The following HYI variants were observed in gnomAD, a reference collection of about 807,000 sequenced individuals.
HYI encodes the protein hydroxypyruvate isomerase (putative).
Under a neutral mutation model 39.7 loss-of-function variants are expected in HYI, and 47 were observed. The ratio of observed to expected loss-of-function variants is 1.18; its 90% CI spans 0.94 to 1.51. The LOEUF (loss-of-function observed/expected upper bound fraction) is 1.51, where lower values mean the gene tolerates loss of function less well. Among genes scored for constraint, HYI ranks in the 40% most tolerant of loss-of-function variants. The probability of loss-of-function intolerance (pLI) is 0.00; values close to 1 mark genes in which losing one functional copy is unlikely to be tolerated. For synonymous variants in HYI, 186 were observed against 158.8 expected (o/e 1.17, Z -1.29); for missense variants, 465 against 370.3 (o/e 1.26, Z -2.10).
downstream of HYI, chr1:43,450,802 C>T: frequency 2.8e-6 from 2 of 707,136 alleles, no homozygotes; most frequent in Non-Finnish European, 2.6e-6. The surrounding 1 kb of genome is among the most constrained non-coding windows in gnomAD (Gnocchi z 4.3). Flanking sequence ...GTGGCAAACA[C>T]CCCCTAGAGC....
chr1:43,452,828 CATCATCCCCTG>C, intron 2 of HYI: 1 of 1,471,900 alleles, frequency 6.8e-7, no homozygotes, highest in Non-Finnish European at 9.3e-7. Context: ...CACCTCCTCC[CATCATCCCCTG>C]ATCTTAGCCA....
chr1:43,453,648 G>A lies in HYI; in HGVS notation c.146C>T (p.Ala49Val). 3 of 1,490,680 alleles carry A rather than the reference G, an allele frequency of 2.0e-6. No homozygotes were observed. The highest frequency in any genetic ancestry group is 2.7e-6 in the Non-Finnish European group (3 of 1,127,524). 92.3% of individuals were successfully genotyped at this position (1,490,680 alleles called of 1,614,324 possible). The stretch of plus-strand genomic sequence containing the variant: ...CAGCCCCGCTTCTCGCGCGGCGCGC[G>A]CCAGCGCCTCAGGCGTCTCCGCGTA... ...WPYAETPEAL[A>V]RAAREAGLRL... The change falls in exon 1 of 8, where the codon GCG becomes GTG. Residue 49 changes from alanine (A) to valine (V), a missense_variant. Physicochemically the swap from Ala to Val is moderately conservative, Grantham distance 64. Transcript: ENST00000372430.
At chr1:43,452,922 C>G in intron 2 of HYI, 1 of 1,606,664 alleles carries the variant, frequency 6.2e-7, no homozygotes, top group Non-Finnish European at 8.5e-7. Context: ...CTCAGGAACG[C>G]TGCCAAATAC....
Position 43,453,705 on chromosome 1 carries a change from G to C in HYI, c.89C>G (p.Ser30Trp). Reference protein sequence around the residue: ...LPARVRAAGSSGFEAVEVAWP... With the variant: ...LPARVRAAGSWGFEAVEVAWP... ...GGCCACCTCGACGGCCTCGAAGCCC[G>C]AGCTGCCCGCGGCCCGCACCCGCGC... The change falls in exon 1 of 8, where the codon TCG becomes TGG. Residue 30 changes from serine (S) to tryptophan (W), a missense_variant. By Grantham distance (177) the Ser-to-Trp change is radical (BLOSUM62 -3). Transcript: ENST00000372430. 7.0e-7 allele frequency: 1 copy of C among 1,421,440 alleles called. No homozygotes were observed. Among genetic ancestry groups the C allele is most frequent in the Non-Finnish European group, 9.1e-7 (1 of 1,097,562 alleles). 88.1% of individuals were successfully genotyped at this position (1,421,440 alleles called of 1,614,324 possible).
chr1:43,451,686 T>C lies in HYI; in HGVS notation c.587A>G (p.Asn196Ser). ...GAACTCCCGGATGTTTCCTGTCAGG[T>C]TCCCATCCATGATCTGCCAGTGGAA... is the stretch of plus-strand genomic sequence containing the variant. The part of the protein sequence containing the change: ...DIFHWQIMDG[N>S]LTGNIREFLP... Residue 196 changes from asparagine (N) to serine (S), a missense_variant, in exon 6 of 8, where the codon AAC (asparagine) becomes AGC (serine). Transcript: ENST00000372430. 1 of 1,614,104 alleles carries C rather than the reference T, an allele frequency of 6.2e-7. No individual in the cohort carries two copies. Among genetic ancestry groups the C allele is most frequent in the Non-Finnish European group, 8.5e-7 (1 of 1,179,994 alleles).
Position 43,453,465 on chromosome 1 carries a change from C to T in HYI, c.232G>A (p.Ala78Thr). Residue 78 changes from alanine to threonine, a missense_variant, in exon 2 of 8, where the codon GCC becomes ACC. Coordinates refer to ENST00000372430, the MANE Select transcript of HYI (RefSeq NM_001190880.3). ...DQEKGEMGLG[A>T]VPGRQAAFRE... ...AAGGCCGCCTGTCTCCCGGGGACGG[C>T]CCCCAGCCCCATTTCCCCCTTCTCT... 1 of 1,561,560 alleles carries T rather than the reference C, an allele frequency of 6.4e-7. No individual in the cohort carries two copies. The highest frequency in any genetic ancestry group is 1.2e-5 in the South Asian group (1 of 84,714).
In HYI at chr1:43,453,903, G is replaced by T; in HGVS notation, c.-110C>A. 1.6e-6 allele frequency: 2 copies of T among 1,216,654 alleles called. No individual in the cohort carries two copies. Among genetic ancestry groups the T allele is most frequent in the Non-Finnish European group, 1.0e-6 (1 of 979,028 alleles). 75.4% of individuals were successfully genotyped at this position (1,216,654 alleles called of 1,614,324 possible). On this transcript the variant is annotated 5_prime_UTR_variant, in exon 1 of 8. Coordinates refer to ENST00000372430, the MANE Select transcript of HYI (RefSeq NM_001190880.3). ...CTCCTTGCTGGCCCTGCGAACGAAC[G>T]AGCACTGTTCGTGGTTAGAAAAGCG...
chr1:43,452,474 C>T, intron 2 of HYI, 155 bp from the exon 3 acceptor site: 1 of 717,324 alleles, frequency 1.4e-6, no homozygotes, highest in Non-Finnish European at 2.6e-6. Context: ...CTTTCAGAGA[C>T]ACTTCAGTGA....
chr1:43,452,922 C>T, intron 2 of HYI: 1 of 1,606,664 alleles, frequency 6.2e-7, no homozygotes, highest in Non-Finnish European at 8.5e-7. Flanking sequence ...CTCAGGAACG[C>T]TGCCAAATAC....
chr1:43,453,608 G>A lies in HYI; in HGVS notation c.186C>T (p.Ile62=). Residue 62 remains isoleucine (I), a synonymous_variant, in exon 1 of 8, where the codon ATC becomes ATT. Coordinates refer to ENST00000372430, the MANE Select transcript of HYI (RefSeq NM_001190880.3). ...CCCGCGACGCACCCGGGGGCGTGTT[G>A]ATCAGTACAAGCCGCAGCCCCGCTT... ...AREAGLRLVL[I]NTPPGDQEKG... is the part of the protein sequence containing the mutation. The A allele has an allele frequency of 6.5e-7, 1 of 1,530,152 alleles. No homozygotes were observed. The highest frequency in any genetic ancestry group is 8.8e-7 in the Non-Finnish European group (1 of 1,139,786). The allele number at this position is 1,530,152 out of a possible 1,614,324, so 94.8% of individuals were successfully genotyped here. A position where few individuals can be genotyped will look rare whatever the true frequency, so the allele number is the denominator to read the frequency against.
At chr1:43,453,564 G>T (rs1292173976) in intron 1 of HYI, 31 bp downstream of exon 1, 2 of 1,512,458 alleles carry the variant, frequency 1.3e-6, no homozygotes, top group Non-Finnish European at 1.8e-6. Context: ...GCACCCCCCA[G>T]CCCTCCCAGC....
At chr1:43,450,718 C>A, downstream of HYI, 1 of 703,838 alleles carries the variant, frequency 1.4e-6, no homozygotes. The surrounding 1 kb of genome is among the most constrained non-coding windows in gnomAD (Gnocchi z 4.3). Context: ...GTCAGGTCAA[C>A]CCCGAGGACC....
rs778819086 is a variant in HYI at position 43,453,728 on chromosome 1, C to A, written c.66G>T (p.Ala22=). The change falls in exon 1 of 8, where the codon GCG becomes GCT. Residue 22 remains alanine, a synonymous_variant. Transcript: ENST00000372430. Reference sequence around the variant, plus strand: ...CCGAGCTGCCCGCGGCCCGCACCCGCGCGGGGAGGCCGGAGAGCTCGGGGA... The same window carrying A: ...CCGAGCTGCCCGCGGCCCGCACCCGAGCGGGGAGGCCGGAGAGCTCGGGGA... ...WLFPELSGLP[A]RVRAAGSSGF... is the part of the protein sequence containing the mutation. The A allele has an allele frequency of 1.4e-6, 2 of 1,388,996 alleles. No homozygotes were observed. Among genetic ancestry groups the A allele is most frequent in the Non-Finnish European group, 1.8e-6 (2 of 1,083,212 alleles). 86.0% of individuals were successfully genotyped at this position (1,388,996 alleles called of 1,614,324 possible).
chr1:43,450,609 C>T, downstream of HYI: 1 of 1,369,932 alleles, frequency 7.3e-7, no homozygotes, highest in East Asian at 2.3e-5. The surrounding 1 kb of genome is among the most constrained non-coding windows in gnomAD (Gnocchi z 4.3). Flanking sequence ...ACACCAAAGG[C>T]TTTGTAACTA....
At chr1:43,452,388 A>C in intron 2 of HYI, 69 bp from the exon 3 acceptor site, 4 of 1,283,784 alleles carry the variant, frequency 3.1e-6, no homozygotes, top group Non-Finnish European at 4.5e-6. Flanking sequence ...GGATTCCCTG[A>C]CTGTGCCAGC....
chr1:43,453,848 G>A lies in HYI; in HGVS notation c.-55C>T, dbSNP rs1247602387. 10 of 1,230,328 alleles carry A rather than the reference G, an allele frequency of 8.1e-6. No individual in the cohort carries two copies. Among genetic ancestry groups the A allele is most frequent in the African/African-American group, 1.6e-5 (1 of 63,444 alleles). The allele number at this position is 1,230,328 out of a possible 1,614,324, so 76.2% of individuals were successfully genotyped here. On this transcript the variant is annotated 5_prime_UTR_variant, in exon 1 of 8. Transcript: ENST00000372430. ...GCGGGATCCAAAGGCGGCGGGCGGC[G>A]GGCGGCGGGCGGCGGGCGGGGGCGG...
At chr1:43,450,817 C>A (rs776496985), downstream of HYI, 1 of 708,136 alleles carries the variant, frequency 1.4e-6, no homozygotes, top group South Asian at 1.4e-5. This position sits in a 1 kb window ranked among gnomAD's most constrained non-coding sequence, Gnocchi z 4.3. Context: ...TAGAGCTCCT[C>A]TGCCTGAATC....
Position 43,453,720 on chromosome 1 carries a change from C to G in HYI, c.74G>C (p.Arg25Pro). 2 of 1,391,964 alleles carry G rather than the reference C, an allele frequency of 1.4e-6. No homozygotes were observed. The highest frequency in any genetic ancestry group is 1.8e-6 in the Non-Finnish European group (2 of 1,084,358). 86.2% of individuals were successfully genotyped at this position (1,391,964 alleles called of 1,614,324 possible). A position where few individuals can be genotyped will look rare whatever the true frequency, so the allele number is the denominator to read the frequency against. Residue 25 changes from arginine to proline, a missense_variant, in exon 1 of 8, where the codon CGG (arginine) becomes CCG (proline). Physicochemically the swap from Arg to Pro is moderately radical, Grantham distance 103. Transcript: ENST00000372430. ...CTCGAAGCCCGAGCTGCCCGCGGCC[C>G]GCACCCGCGCGGGGAGGCCGGAGAG... ...PELSGLPARV[R>P]AAGSSGFEAV... is the part of the protein sequence containing the mutation.
chr1:43,450,920 C>G, downstream of HYI: 2 of 750,034 alleles, frequency 2.7e-6, no homozygotes, highest in South Asian at 2.7e-5. The surrounding 1 kb of genome is among the most constrained non-coding windows in gnomAD (Gnocchi z 4.3). Flanking sequence ...TGGACATTCC[C>G]ATCGAGATGA....
Sources: gnomAD v4.1 joint callset for allele counts on GRCh38, gnomAD v4.1.1 for gene constraint, Gnocchi (gnomAD v3.1) non-coding constraint, MANE v1.5 for transcripts, NCBI Gene and HGNC (gene_info 2026-07-23, HGNC 2026-07-21) for gene names.